Variants in FHIT observed in about 807,000 individuals in gnomAD.
FHIT encodes bis(5'-adenosyl)-triphosphatase.
A neutral mutation model predicts 17.9 loss-of-function variants in FHIT; 19 were observed. The ratio of observed to expected loss-of-function variants is 1.06; its 90% CI spans 0.74 to 1.56. FHIT has a LOEUF of 1.56. FHIT is among the 40% of genes most tolerant of loss of function. The pLI, the probability that FHIT is intolerant of heterozygous loss-of-function variation, is 0.00. For synonymous variants in FHIT, 81 were observed against 69.7 expected (o/e 1.16, Z -0.81); for missense variants, 248 against 189.2 (o/e 1.31, Z -1.82).
intron 3 of FHIT, among the ~76,000 whole-genome samples, chr3:60,860,285 G>GC (rs1703629453): frequency 7.3e-6 from 1 of 136,086 alleles, no homozygotes. Flanking sequence ...TACATCATAT[G>GC]TATACATGAG....
At chr3:60,207,035 C>G (rs928003155) in intron 5 of FHIT, among the ~76,000 whole-genome samples, 4 of 152,008 alleles carry the variant, frequency 2.6e-5, no homozygotes, top group African/African-American at 7.2e-5. Context: ...TGAAAGTGAT[C>G]TTTAGAGATA....
intron 5 of FHIT, among the ~76,000 whole-genome samples, chr3:60,094,282 T>C (rs1703849336): frequency 6.6e-6 from 1 of 152,152 alleles, no homozygotes; most frequent in South Asian, 2.1e-4. Context: ...AAAACCCCAT[T>C]AAGTGTGAAG....
chr3:60,401,027 A>T (rs1015630143), intron 5 of FHIT, among the ~76,000 whole-genome samples: 3 of 152,152 alleles, frequency 2.0e-5, no homozygotes, highest in Non-Finnish European at 1.5e-5. Flanking sequence ...CCTACCACCT[A>T]GATCAATTTA....
intron 2 of FHIT, among the ~76,000 whole-genome samples, chr3:61,057,187 A>G (rs575514906): frequency 6.6e-6 from 1 of 152,344 alleles, no homozygotes; most frequent in South Asian, 2.1e-4. Flanking sequence ...AATATTCCTC[A>G]TTTGAATTTA....
intron 2 of FHIT, among the ~76,000 whole-genome samples, chr3:61,175,719 T>C (rs952219963): frequency 6.6e-6 from 1 of 152,020 alleles, no homozygotes; most frequent in African/African-American, 2.4e-5. Context: ...TGTGAGGACA[T>C]GGTGTACTTC....
chr3:61,065,404 G>A (rs1268337202), intron 2 of FHIT, among the ~76,000 whole-genome samples: 1 of 152,024 alleles, frequency 6.6e-6, no homozygotes, highest in Non-Finnish European at 1.5e-5. Context: ...TAAGTGTTTT[G>A]TTTTTGCATG....
chr3:60,294,975 G>C (rs1576435325), intron 5 of FHIT, among the ~76,000 whole-genome samples: 1 of 152,146 alleles, frequency 6.6e-6, no homozygotes, highest in East Asian at 1.9e-4. Flanking sequence ...TATGAATAAA[G>C]CTGCTAGGAA....
intron 5 of FHIT, among the ~76,000 whole-genome samples, chr3:60,318,291 A>G (rs1709258849): frequency 6.6e-6 from 1 of 152,200 alleles, no homozygotes; most frequent in Non-Finnish European, 1.5e-5. Flanking sequence ...AGAACTAACA[A>G]AAGGAAAGTC....
chr3:59,952,720 T>G (rs897591547), intron 7 of FHIT, among the ~76,000 whole-genome samples: 1 of 152,186 alleles, frequency 6.6e-6, no homozygotes, highest in Non-Finnish European at 1.5e-5. Context: ...CTGAAAAGTC[T>G]AATTTCTTTT....
intron 3 of FHIT, among the ~76,000 whole-genome samples, chr3:60,875,698 T>G (rs1246221812): frequency 5.2e-5 from 2 of 38,210 alleles, no homozygotes; most frequent in Non-Finnish European, 2.2e-4. Context: ...CCTAAGCAGT[T>G]TAAATATATT....
chr3:61,062,011 G>C (rs1012685378), intron 2 of FHIT, among the ~76,000 whole-genome samples: 7 of 152,070 alleles, frequency 4.6e-5, no homozygotes, highest in Non-Finnish European at 8.8e-5. Context: ...AGAGATGCTT[G>C]TTAATGGCTG....
intron 7 of FHIT, among the ~76,000 whole-genome samples, chr3:59,954,289 A>T (rs1443048697): frequency 2.1e-5 from 3 of 141,250 alleles, no homozygotes. Context: ...TGATTCATTC[A>T]GGCTTGGGTC....
intron 2 of FHIT, among the ~76,000 whole-genome samples, chr3:61,104,703 C>G (rs112234391): frequency 0.012 from 1,894 of 152,268 alleles, 18 homozygotes; most frequent in Middle Eastern, 0.048. Flanking sequence ...TTCAGAGATA[C>G]CAAAGAATCA....
intron 4 of FHIT, chr3:60,553,181 C>T (rs894609498): frequency 6.6e-6 from 1 of 151,742 alleles, no homozygotes; most frequent in Non-Finnish European, 1.5e-5. Context: ...TTAATATTAA[C>T]AATATTTTGG....
chr3:60,039,698 C>T (rs753593043), intron 5 of FHIT, among the ~76,000 whole-genome samples: 5 of 152,192 alleles, frequency 3.3e-5, no homozygotes, highest in Non-Finnish European at 5.9e-5. Context: ...AAAGTGTTCA[C>T]ATGGTGAATT....
At chr3:60,449,255 T>C (rs1384456757) in intron 5 of FHIT, among the ~76,000 whole-genome samples, 1 of 152,188 alleles carries the variant, frequency 6.6e-6, no homozygotes, top group Non-Finnish European at 1.5e-5. Context: ...CCCCGGTCTG[T>C]ATGCAACATC....
chr3:60,575,994 G>C (rs2037552389), intron 4 of FHIT, among the ~76,000 whole-genome samples: 1 of 152,014 alleles, frequency 6.6e-6, no homozygotes, highest in South Asian at 2.1e-4. Context: ...CTATCGTCTG[G>C]CAAATAAAGG....
intron 3 of FHIT, among the ~76,000 whole-genome samples, chr3:60,834,084 T>C (rs147752429): frequency 3.3e-4 from 51 of 152,338 alleles, no homozygotes; most frequent in African/African-American, 1.2e-3. Flanking sequence ...GATAAAGCTC[T>C]ATGAAAATTC....
At chr3:60,060,932 T>C (rs554833282) in intron 5 of FHIT, among the ~76,000 whole-genome samples, 3 of 152,316 alleles carry the variant, frequency 2.0e-5, no homozygotes, top group Admixed American at 6.5e-5. Context: ...GTGGGGTAAA[T>C]GTGTGAAGGA....
Sources: gnomAD v4.1 joint callset for allele counts (sites outside exome capture counted in the v4.1 genomes callset) on GRCh38, gnomAD v4.1.1 for gene constraint, MANE v1.5 for transcripts, NCBI Gene and HGNC (gene_info 2026-07-23, HGNC 2026-07-21) for gene names.